GMDS: variants seen among roughly 807,000 people sequenced by gnomAD.
GMDS encodes the protein GDP-mannose 4,6-dehydratase.
In GMDS, 20 loss-of-function variants were observed where a neutral mutation model predicts 49.9. The ratio of observed to expected loss-of-function variants is 0.40; its 90% confidence interval spans 0.28 to 0.58. The LOEUF is 0.58. Among genes scored for constraint, GMDS ranks in the 20% least tolerant of loss-of-function variants. The pLI is 0.42. For missense variants in GMDS, 362 were observed against 481.4 expected (o/e 0.75, Z 2.32); for synonymous variants, 177 against 178.6 (o/e 0.99, Z 0.07).
chr6:1,787,043 T>C (rs1339812824), intron 7 of GMDS, among the ~76,000 whole-genome samples: 1 of 152,214 alleles, frequency 6.6e-6, no homozygotes, highest in Admixed American at 6.5e-5. Flanking sequence ...CAGACTCATC[T>C]GTGTCAAAAC....
chr6:1,678,406 A>T (rs1184512536), intron 9 of GMDS, among the ~76,000 whole-genome samples: 1 of 151,910 alleles, frequency 6.6e-6, no homozygotes, highest in African/African-American at 2.4e-5. Flanking sequence ...GTATCCATCG[A>T]TCTCTCAGAT....
intron 4 of GMDS, among the ~76,000 whole-genome samples, chr6:2,010,007 C>T (rs866305136): frequency 2.6e-5 from 4 of 152,142 alleles, no homozygotes; most frequent in Admixed American, 6.5e-5. Context: ...CCCAACGAAC[C>T]CTGAGCAGGA....
At chr6:2,048,039 T>G (rs1770132535) in intron 4 of GMDS, among the ~76,000 whole-genome samples, 1 of 152,324 alleles carries the variant, frequency 6.6e-6, no homozygotes, top group African/African-American at 2.4e-5. Flanking sequence ...GTGCAATCAC[T>G]CTGAAAACTA....
chr6:1,870,765 C>T (rs1332357342), intron 7 of GMDS, among the ~76,000 whole-genome samples: 1 of 152,160 alleles, frequency 6.6e-6, no homozygotes, highest in Non-Finnish European at 1.5e-5. Flanking sequence ...ATGCAAAACA[C>T]ACACTATTAA....
chr6:1,813,686 G>T (rs1019148219), intron 7 of GMDS, among the ~76,000 whole-genome samples: 2 of 152,198 alleles, frequency 1.3e-5, no homozygotes, highest in African/African-American at 4.8e-5. Flanking sequence ...AGGTCTTCAA[G>T]TAAGAGGGTA....
intron 1 of GMDS, among the ~76,000 whole-genome samples, chr6:2,170,483 TG>T (rs1777940473): frequency 1.3e-5 from 2 of 151,990 alleles, no homozygotes; most frequent in South Asian, 4.2e-4. Flanking sequence ...AAAAATTAGA[TG>T]GGCATAGTGG....
intron 9 of GMDS, among the ~76,000 whole-genome samples, chr6:1,685,112 G>A (rs1764929486): frequency 2.6e-5 from 4 of 151,876 alleles, no homozygotes. Context: ...AAGTAATAGA[G>A]GAGGCTGAGT....
chr6:2,098,725 C>A (rs1453276660), intron 4 of GMDS, among the ~76,000 whole-genome samples: 2 of 152,066 alleles, frequency 1.3e-5, no homozygotes, highest in Admixed American at 1.3e-4. Flanking sequence ...AACTTAGGAA[C>A]AAGTTTGCCA....
intron 4 of GMDS, among the ~76,000 whole-genome samples, chr6:2,069,164 G>A (rs1223716327): frequency 2.0e-5 from 3 of 152,126 alleles, no homozygotes; most frequent in Admixed American, 1.3e-4. Flanking sequence ...CAAGCAATGG[G>A]GAAAGGATTC....
At chr6:2,085,111 A>G (rs1301474994) in intron 4 of GMDS, among the ~76,000 whole-genome samples, 1 of 152,114 alleles carries the variant, frequency 6.6e-6, no homozygotes, top group Non-Finnish European at 1.5e-5. Context: ...TATTTAACCA[A>G]TGTCATGAGA....
intron 7 of GMDS, among the ~76,000 whole-genome samples, chr6:1,880,381 C>T (rs1250693403): frequency 6.6e-6 from 1 of 151,922 alleles, no homozygotes; most frequent in Non-Finnish European, 1.5e-5. Context: ...CTTCTTGAGC[C>T]CAGGCATTTG....
At chr6:2,083,504 G>C (rs1347848814) in intron 4 of GMDS, among the ~76,000 whole-genome samples, 1 of 152,142 alleles carries the variant, frequency 6.6e-6, no homozygotes. Context: ...AACCACTTAA[G>C]AAGGAAAAAT....
intron 9 of GMDS, among the ~76,000 whole-genome samples, chr6:1,655,476 TACACACACACACACACACATAC>T (rs1307613860): frequency 0.014 from 1,158 of 81,154 alleles, 16 homozygotes; most frequent in African/African-American, 0.045. Flanking sequence ...TTGAAAGCCT[TACACACACACACACACACATAC>T]ACACACACAC....
chr6:1,642,417 C>G (rs1763358209), intron 9 of GMDS, among the ~76,000 whole-genome samples: 1 of 152,112 alleles, frequency 6.6e-6, no homozygotes, highest in South Asian at 2.1e-4. Context: ...GATCGGCCCA[C>G]CTCGGCCTCC....
intron 4 of GMDS, among the ~76,000 whole-genome samples, chr6:1,964,616 G>A (rs1357991622): frequency 6.6e-6 from 1 of 152,112 alleles, no homozygotes; most frequent in African/African-American, 2.4e-5. Flanking sequence ...ATAGAATAAG[G>A]AAGCTGTACA....
intron 1 of GMDS, among the ~76,000 whole-genome samples, chr6:2,203,798 A>AG (rs1779663175): frequency 1.3e-5 from 2 of 152,216 alleles, no homozygotes; most frequent in South Asian, 4.1e-4. Context: ...GTAGGCTGGG[A>AG]GGAAGGCAGG....
intron 9 of GMDS, among the ~76,000 whole-genome samples, chr6:1,691,059 C>T (rs1026719227): frequency 6.6e-6 from 1 of 152,216 alleles, no homozygotes; most frequent in African/African-American, 2.4e-5. Flanking sequence ...TATATGCACA[C>T]ATATGTTCAT....
At chr6:2,028,535 G>A (rs994339490) in intron 4 of GMDS, among the ~76,000 whole-genome samples, 1 of 152,178 alleles carries the variant, frequency 6.6e-6, no homozygotes, top group Non-Finnish European at 1.5e-5. Context: ...AGGACAAAAG[G>A]TCATTTGGAA....
Position 1,955,964 on chromosome 6 carries a change from A to C in GMDS, c.643+3903T>G, listed in dbSNP as rs556950887. 6.8e-4 allele frequency among the ~76,000 whole-genome samples: 104 copies of C among 152,314 alleles called. 1 individual carries two copies. In the South Asian group the frequency reaches 0.015, roughly 22 times the overall value. ...CTGACAACTAGCTTTCCTTTAGAGC[A>C]CTTGGTCATAGTGCTTGATCCTTTG... On this transcript the variant is annotated intron_variant, in intron 6 of 10. Transcript: ENST00000380815.
Sources: allele counts gnomAD v4.1 joint callset (sites outside exome capture counted in the v4.1 genomes callset), GRCh38; gene constraint gnomAD v4.1.1; transcripts MANE v1.5; gene names NCBI Gene and HGNC (gene_info 2026-07-23, HGNC 2026-07-21).